Variants in RAB5A observed in about 807,000 individuals in gnomAD.
RAB5A encodes ras-related protein Rab-5A.
Under a neutral mutation model 25.7 loss-of-function variants are expected in RAB5A, and 8 were observed. The observed-to-expected ratio is 0.31, with a 90% CI of 0.18 to 0.56. The LOEUF (loss-of-function observed/expected upper bound fraction) is 0.56. Among genes scored for constraint, RAB5A ranks in the 20% least tolerant of loss-of-function variants. The pLI, the probability that RAB5A is intolerant of heterozygous loss-of-function variation, is 0.91. For missense variants in RAB5A, 192 were observed against 259.7 expected (o/e 0.74, Z 1.79); for synonymous variants, 98 against 89.8 (o/e 1.09, Z -0.52).
At chr3:19,955,231 A>T (rs1696482775) in intron 2 of RAB5A, among the ~76,000 whole-genome samples, 1 of 152,332 alleles carries the variant, frequency 6.6e-6, no homozygotes, top group South Asian at 2.1e-4. Context: ...CCACAGTTAC[A>T]ATTTTGTATG....
At position 19,947,282 on chromosome 3, in the gene RAB5A, C is replaced by A; in HGVS notation, c.-333C>A. On this transcript the variant is annotated 5_prime_UTR_variant, in exon 1 of 6. Coordinates refer to ENST00000273047, the MANE Select transcript of RAB5A (RefSeq NM_004162.5). ...ACTCCAGCGCCGGCGGCGGCGGCGGCGGCGGAGGAGGAGAAAGGAAAGAGG... is the reference window on the plus strand; with the variant it reads ...ACTCCAGCGCCGGCGGCGGCGGCGGAGGCGGAGGAGGAGAAAGGAAAGAGG... 1 of 199,568 alleles carries A rather than the reference C, an allele frequency of 5.0e-6. No individual in the cohort carries two copies. Among genetic ancestry groups the A allele is most frequent in the Non-Finnish European group, 9.8e-6 (1 of 102,348 alleles). 12.4% of individuals were successfully genotyped at this position (199,568 alleles called of 1,614,324 possible).
chr3:19,963,686 C>A (rs1696623482), intron 2 of RAB5A, among the ~76,000 whole-genome samples: 1 of 152,050 alleles, frequency 6.6e-6, no homozygotes, highest in Non-Finnish European at 1.5e-5. Context: ...CCTCTGTCAC[C>A]CAGGCTGAAG....
chr3:19,961,616 A>T (rs1260263365), intron 2 of RAB5A, among the ~76,000 whole-genome samples: 1 of 152,184 alleles, frequency 6.6e-6, no homozygotes, highest in Non-Finnish European at 1.5e-5. Context: ...CATGTGTCAC[A>T]CGCTATATTT....
At chr3:19,983,671 A>G (rs760655753) in intron 5 of RAB5A, 37 bp from the exon 6 acceptor site, 29 of 1,335,866 alleles carry the variant, frequency 2.2e-5, no homozygotes, top group South Asian at 1.4e-4. Flanking sequence ...TAATATGAGT[A>G]TTCAAATATT....
Position 19,969,640 on chromosome 3 carries a change from G to A in RAB5A, c.164-5961G>A, listed in dbSNP as rs1192603493. Among the ~76,000 whole-genome samples the A allele has an allele frequency of 2.0e-5, 3 of 152,206 alleles. No individual in the cohort carries two copies. In the East Asian group the frequency reaches 5.8e-4, roughly 29 times the overall value. On this transcript the variant is annotated intron_variant, in intron 2 of 5. Transcript: ENST00000273047. ...ATATTTTTGTGTAATCAAATCTGTA[G>A]TCTTATATAGAATTTTGGTCAATTT...
intron 2 of RAB5A, among the ~76,000 whole-genome samples, chr3:19,965,639 G>A (rs1281497646): frequency 6.6e-6 from 1 of 152,186 alleles, no homozygotes; most frequent in Non-Finnish European, 1.5e-5. Flanking sequence ...ACTTCATGCA[G>A]GATCTTCCCT....
chr3:19,978,284 T>C (rs771153074), intron 4 of RAB5A, 26 bp from the exon 5 acceptor site: 1 of 1,449,658 alleles, frequency 6.9e-7, no homozygotes, highest in South Asian at 1.1e-5. Context: ...ATATCTCATA[T>C]ATCTCATTTT....
Position 19,950,994 on chromosome 3 carries a change from C to T in RAB5A, c.96C>T (p.Gly32=). Residue 32 remains glycine, a synonymous_variant, in exon 2 of 6, where the codon GGC becomes GGT. Transcript: ENST00000273047. ...KLVLLGESAV[G]KSSLVLRFVK... is the part of the protein sequence containing the mutation. ...TACTTCTGGGAGAGTCCGCTGTTGG[C>T]AAATCAAGCCTAGTGCTTCGTTTTG... The T allele has an allele frequency of 6.2e-7, 1 of 1,614,052 alleles. No individual in the cohort carries two copies. Among genetic ancestry groups the T allele is most frequent in the Non-Finnish European group, 8.5e-7 (1 of 1,179,952 alleles).
chr3:19,970,939 G>A (rs1019492902), intron 2 of RAB5A, among the ~76,000 whole-genome samples: 1 of 152,196 alleles, frequency 6.6e-6, no homozygotes, highest in Admixed American at 6.5e-5. Context: ...GCTCATGCCT[G>A]TAATCCCAGC....
At chr3:19,982,030 C>G (rs1332499434) in intron 5 of RAB5A, among the ~76,000 whole-genome samples, 1 of 151,766 alleles carries the variant, frequency 6.6e-6, no homozygotes, top group Admixed American at 6.6e-5. Context: ...ATCTTCAAGG[C>G]CAGGAGTTCT....
intron 2 of RAB5A, among the ~76,000 whole-genome samples, chr3:19,962,142 C>G (rs1170414999): frequency 1.3e-5 from 2 of 152,198 alleles, no homozygotes; most frequent in African/African-American, 4.8e-5. Context: ...TATGACTTTG[C>G]TCCAGAAGTC....
chr3:19,969,016 TGTTTTTTGGTTTTG>T (rs1696698937), intron 2 of RAB5A, among the ~76,000 whole-genome samples: 2 of 150,116 alleles, frequency 1.3e-5, no homozygotes, highest in Admixed American at 6.7e-5. Context: ...TGCAAATTGG[TGTTTTTTGGTTTTG>T]GTTTTTTTTT....
intron 5 of RAB5A, 116 bp downstream of exon 5, chr3:19,978,519 ATG>A (rs762375336): frequency 4.9e-5 from 32 of 652,552 alleles, no homozygotes; most frequent in Non-Finnish European, 6.1e-5. Flanking sequence ...GTGTATGTTT[ATG>A]TGTGTGTGTG....
At chr3:19,948,834 C>A (rs1356332087) in intron 1 of RAB5A, among the ~76,000 whole-genome samples, 1 of 151,624 alleles carries the variant, frequency 6.6e-6, no homozygotes, top group African/African-American at 2.4e-5. Flanking sequence ...TAAGTAATTT[C>A]TTGTTTTCTT....
chr3:19,981,164 A>G (rs944655438), intron 5 of RAB5A, among the ~76,000 whole-genome samples: 2 of 152,184 alleles, frequency 1.3e-5, no homozygotes, highest in Non-Finnish European at 2.9e-5. Context: ...CACATCAAGG[A>G]TCTTATGTAT....
intron 2 of RAB5A, among the ~76,000 whole-genome samples, chr3:19,966,535 A>G (rs1393747904): frequency 1.3e-5 from 2 of 152,116 alleles, no homozygotes; most frequent in Non-Finnish European, 2.9e-5. Context: ...TGCTTTCACT[A>G]CTTTTGGATG....
intron 4 of RAB5A, among the ~76,000 whole-genome samples, chr3:19,977,065 T>C (rs1205566562): frequency 6.6e-6 from 1 of 152,002 alleles, no homozygotes; most frequent in Non-Finnish European, 1.5e-5. Context: ...GCAAGTCCTC[T>C]ATTTAGACTT....
chr3:19,969,041 TTTGG>T (rs1559490121), intron 2 of RAB5A, among the ~76,000 whole-genome samples: 11 of 77,724 alleles, frequency 1.4e-4, no homozygotes, highest in Non-Finnish European at 2.1e-4. Flanking sequence ...GTTTTTTTTT[TTTGG>T]TTTTTTTTTT....
chr3:19,973,381 C>CT (rs34334260), intron 2 of RAB5A, among the ~76,000 whole-genome samples: 56,626 of 143,682 alleles, frequency 0.39, 10,900 homozygotes, highest in Non-Finnish European at 0.42. Flanking sequence ...ATTTTAATTC[C>CT]TTTTTTTTTT....
Sources: gnomAD v4.1 joint callset for allele counts (sites outside exome capture counted in the v4.1 genomes callset) on GRCh38, gnomAD v4.1.1 for gene constraint, MANE v1.5 for transcripts, NCBI Gene and HGNC (gene_info 2026-07-23, HGNC 2026-07-21) for gene names.